PDE1A: variants seen among roughly 807,000 people sequenced by gnomAD.
PDE1A encodes the protein phosphodiesterase 1A.
Under a neutral mutation model 61.7 loss-of-function variants are expected in PDE1A, and 35 were observed. The observed-to-expected ratio is 0.57, with a 90% confidence interval of 0.43 to 0.75. The LOEUF is 0.75. PDE1A is among the 30% of genes least tolerant of loss of function. PDE1A has a pLI of 0.00. For missense variants in PDE1A, 597 were observed against 630.6 expected (o/e 0.95, Z 0.57); for synonymous variants, 232 against 213.2 (o/e 1.09, Z -0.77).
At chr2:182,560,389 G>C in the PDE1A span, among the ~76,000 whole-genome samples, 3 of 151,500 alleles carry the variant, frequency 2.0e-5, no homozygotes, top group Non-Finnish European at 4.4e-5. Context: ...CAAAGGACAT[G>C]AACTCATCAT....
chr2:182,295,317 A>G (rs1300524965), intron 1 of PDE1A, among the ~76,000 whole-genome samples: 1 of 151,290 alleles, frequency 6.6e-6, no homozygotes, highest in Non-Finnish European at 1.5e-5. Flanking sequence ...CTCATGATCC[A>G]CCCGCCTCGG....
At chr2:182,637,361 C>G in the PDE1A span, among the ~76,000 whole-genome samples, 1 of 152,210 alleles carries the variant, frequency 6.6e-6, no homozygotes, top group Admixed American at 6.5e-5. Flanking sequence ...AGTTGATGAA[C>G]TGAACTGTGA....
intron 13 of PDE1A, among the ~76,000 whole-genome samples, chr2:182,169,922 G>GCGCACA (rs1166127939): frequency 1.1e-5 from 1 of 87,666 alleles, no homozygotes; most frequent in Non-Finnish European, 2.9e-5. Flanking sequence ...ACACACACAC[G>GCGCACA]CACACACACA....
At chr2:182,226,235 T>C (rs1385946010) in intron 6 of PDE1A, among the ~76,000 whole-genome samples, 4 of 149,914 alleles carry the variant, frequency 2.7e-5, no homozygotes. Context: ...AGAAATTAAA[T>C]TAGAAAATCA....
the PDE1A span, among the ~76,000 whole-genome samples, chr2:182,607,437 T>C: frequency 6.6e-6 from 1 of 152,170 alleles, no homozygotes; most frequent in African/African-American, 2.4e-5. Context: ...ACTATACAGT[T>C]GTCTCTCAGC....
chr2:182,372,927 G>C (rs1328881935), intron 1 of PDE1A, among the ~76,000 whole-genome samples: 1 of 152,226 alleles, frequency 6.6e-6, no homozygotes, highest in East Asian at 1.9e-4. Context: ...CATAAGGACA[G>C]TGATAAAGGA....
At chr2:182,573,551 T>C in the PDE1A span, among the ~76,000 whole-genome samples, 10 of 152,064 alleles carry the variant, frequency 6.6e-5, no homozygotes, top group Non-Finnish European at 1.2e-4. Context: ...GGAATCTTAA[T>C]AGATCCTGGT....
chr2:182,643,199 A>G, the PDE1A span, among the ~76,000 whole-genome samples: 3 of 152,182 alleles, frequency 2.0e-5, no homozygotes, highest in African/African-American at 4.8e-5. Flanking sequence ...CCAGCTCCGT[A>G]TTAGCCAGTC....
At chr2:182,339,533 T>C (rs1420241187) in intron 1 of PDE1A, among the ~76,000 whole-genome samples, 3 of 152,154 alleles carry the variant, frequency 2.0e-5, no homozygotes, top group African/African-American at 7.2e-5. Flanking sequence ...CATCAGAACA[T>C]AACTGCTTTG....
intron 2 of PDE1A, among the ~76,000 whole-genome samples, chr2:182,474,116 G>A (rs1236398563): frequency 6.6e-6 from 1 of 151,702 alleles, no homozygotes; most frequent in Non-Finnish European, 1.5e-5. Context: ...CAGTATATAA[G>A]CGTTCTTTAA....
At chr2:182,673,162 A>G in the PDE1A span, among the ~76,000 whole-genome samples, 2 of 152,202 alleles carry the variant, frequency 1.3e-5, no homozygotes, top group African/African-American at 4.8e-5. Flanking sequence ...GCCACATGCC[A>G]TTTTAAACAT....
exon 8 of PDE1A, chr2:182,206,002 A>T: frequency 6.2e-7 from 1 of 1,612,186 alleles, no homozygotes; most frequent in Non-Finnish European, 8.5e-7. Flanking sequence ...TAAGTCGATA[A>T]GCTGCACTCA....
chr2:182,374,155 T>C (rs147667347), intron 1 of PDE1A, among the ~76,000 whole-genome samples: 1,905 of 152,246 alleles, frequency 0.013, 24 homozygotes, highest in South Asian at 0.048. Context: ...ATACTTATTA[T>C]TTTTTCATAT....
chr2:182,180,513 A>T (rs897809823), intron 13 of PDE1A, among the ~76,000 whole-genome samples: 2 of 152,066 alleles, frequency 1.3e-5, no homozygotes, highest in Admixed American at 1.3e-4. Flanking sequence ...GGCTGCCCTT[A>T]AACATTTTTT....
intron 1 of PDE1A, among the ~76,000 whole-genome samples, chr2:182,377,018 G>A (rs562603492): frequency 1.3e-5 from 2 of 152,252 alleles, no homozygotes; most frequent in African/African-American, 2.4e-5. Context: ...TGAGAATTAC[G>A]GGAGTACAAT....
intron 2 of PDE1A, among the ~76,000 whole-genome samples, chr2:182,453,761 T>C (rs970119204): frequency 1.3e-5 from 2 of 152,082 alleles, no homozygotes; most frequent in Non-Finnish European, 2.9e-5. Flanking sequence ...ATTGATGGGA[T>C]GTATCTCAAA....
chr2:182,424,716 T>C (rs551501610), intron 1 of PDE1A, among the ~76,000 whole-genome samples: 43 of 152,334 alleles, frequency 2.8e-4, no homozygotes, highest in Middle Eastern at 3.4e-3. Flanking sequence ...AGCCTAGTTA[T>C]TTGAATCTTT....
At chr2:182,378,511 T>A (rs1700546849) in intron 1 of PDE1A, among the ~76,000 whole-genome samples, 1 of 152,212 alleles carries the variant, frequency 6.6e-6, no homozygotes, top group Non-Finnish European at 1.5e-5. Flanking sequence ...TAATTAAAAA[T>A]TGCCACCAAG....
chr2:182,358,258 C>T (rs923627722), intron 1 of PDE1A, among the ~76,000 whole-genome samples: 2 of 152,114 alleles, frequency 1.3e-5, no homozygotes, highest in African/African-American at 2.4e-5. Flanking sequence ...ATATTTATCT[C>T]CCTCTACTCA....
Sources: allele counts gnomAD v4.1 joint callset (sites outside exome capture counted in the v4.1 genomes callset), GRCh38; gene constraint gnomAD v4.1.1; transcripts MANE v1.5; gene names NCBI Gene and HGNC (gene_info 2026-07-23, HGNC 2026-07-21).